LYPLA1: variants seen among roughly 807,000 people sequenced by gnomAD.
LYPLA1 encodes the protein acyl-protein thioesterase 1.
In LYPLA1, 17 loss-of-function variants were observed where a neutral mutation model predicts 34.0. That is an observed-to-expected ratio of 0.50 (90% CI 0.34 to 0.75). The LOEUF (loss-of-function observed/expected upper bound fraction) is 0.75. Among genes scored for constraint, LYPLA1 ranks in the 30% least tolerant of loss-of-function variants. The probability of loss-of-function intolerance (pLI) is 0.01; values close to 1 mark genes in which losing one functional copy is unlikely to be tolerated. For synonymous variants in LYPLA1, 98 were observed against 100.8 expected, an observed-to-expected ratio of 0.97 and a Z score of 0.17; for missense variants, 203 against 288.8, an observed-to-expected ratio of 0.70 and a Z score of 2.15.
chr8:54,071,496 G>A (rs1309558066), intron 2 of LYPLA1, among the ~76,000 whole-genome samples: 3 of 152,118 alleles, frequency 2.0e-5, no homozygotes, highest in East Asian at 3.9e-4. Context: ...GGGTGGGGGC[G>A]TGGACAAGCA....
chr8:54,083,476 A>C (rs557509622), intron 2 of LYPLA1, among the ~76,000 whole-genome samples: 1 of 152,310 alleles, frequency 6.6e-6, no homozygotes, highest in South Asian at 2.1e-4. Context: ...TCATGATGTA[A>C]AACATCTGTA....
chr8:54,066,431 T>C (rs1807074386), intron 2 of LYPLA1, among the ~76,000 whole-genome samples: 2 of 152,214 alleles, frequency 1.3e-5, no homozygotes, highest in African/African-American at 4.8e-5. Context: ...TTAAAATGTC[T>C]TTATACAATG....
Position 54,047,728 on chromosome 8 carries a change from T to A in LYPLA1, c.*337A>T. On this transcript the variant is annotated 3_prime_UTR_variant, in exon 9 of 9. Transcript: ENST00000316963. ...TGCTCATTTATACCTGAACAAATTT[T>A]CATTAAGCATACTGCTAATTTTCAA... 4.9e-6 allele frequency: 1 copy of A among 205,410 alleles called. No homozygotes were observed. The allele number at this position is 205,410 out of a possible 1,614,324, so 12.7% of individuals were successfully genotyped here.
At chr8:54,076,116 G>A (rs755653013) in intron 2 of LYPLA1, among the ~76,000 whole-genome samples, 14 of 152,154 alleles carry the variant, frequency 9.2e-5, no homozygotes, top group Non-Finnish European at 1.3e-4. Flanking sequence ...GCCTGCTCTA[G>A]GAGCTTAACA....
At position 54,051,064 on chromosome 8, in the gene LYPLA1, G is replaced by C; in HGVS notation, c.587C>G (p.Ala196Gly). Residue 196 changes from alanine to glycine, a missense_variant, in exon 8 of 9, where the codon GCC becomes GGC. Physicochemically the swap from Ala to Gly is moderately conservative, Grantham distance 60. This residue lies in a region of LYPLA1 where 123 missense variants were observed against 199.2 expected (regional missense o/e 0.62). Transcript: ENST00000316963. ...VEKLKTLVNP[A>G]NVTFKTYEGM... ...TTCATAGGTTTTAAAGGTCACATTG[G>C]CTGGATTCACCAATGTTTTTAGTTT... 1.2e-6 allele frequency: 2 copies of C among 1,613,726 alleles called. No individual in the cohort carries two copies. The highest frequency in any genetic ancestry group is 1.7e-6 in the Non-Finnish European group (2 of 1,179,782).
chr8:54,076,245 C>T (rs1425774528), intron 2 of LYPLA1, among the ~76,000 whole-genome samples: 1 of 151,912 alleles, frequency 6.6e-6, no homozygotes, highest in East Asian at 1.9e-4. Context: ...ATTAAAAGAA[C>T]AAATATTTAA....
chr8:54,064,371 T>C (rs1806889590), intron 3 of LYPLA1, among the ~76,000 whole-genome samples: 1 of 151,800 alleles, frequency 6.6e-6, no homozygotes, highest in South Asian at 2.1e-4. Context: ...AAACCAGGAT[T>C]ATGCCACTGC....
rs186096435 is a variant in LYPLA1 at position 54,048,757 on chromosome 8, G to A, written c.640-639C>T. Among the ~76,000 whole-genome samples the A allele has an allele frequency of 2.6e-5, 4 of 152,254 alleles. No individual in the cohort carries two copies. The East Asian group carries it at 7.7e-4, about 29-fold the overall frequency. On this transcript the variant is annotated intron_variant, in intron 8 of 8. Coordinates refer to ENST00000316963, the MANE Select transcript of LYPLA1 (RefSeq NM_006330.4). ...CTTAGCCTCACAGTGCCAAATAGTA[G>A]CAATGCAGCTAACCTTCAGCCTTGT...
intron 2 of LYPLA1, among the ~76,000 whole-genome samples, chr8:54,097,253 AT>A (rs1423207037): frequency 3.4e-4 from 52 of 152,336 alleles, no homozygotes; most frequent in Admixed American, 1.0e-3. Flanking sequence ...TAGTCTACTG[AT>A]GCGCGCAATG....
chr8:54,095,797 C>A (rs995605370), intron 2 of LYPLA1, among the ~76,000 whole-genome samples: 2 of 150,544 alleles, frequency 1.3e-5, no homozygotes, highest in African/African-American at 4.9e-5. Flanking sequence ...GTTGCCCAGG[C>A]TGGTCTCAAA....
chr8:54,091,249 A>G (rs1321602889), intron 2 of LYPLA1, among the ~76,000 whole-genome samples: 1 of 152,078 alleles, frequency 6.6e-6, no homozygotes, highest in Non-Finnish European at 1.5e-5. Context: ...GCACTTTGGG[A>G]GGCCGAGGTG....
At chr8:54,051,274 C>CAT (rs1344012743) in intron 7 of LYPLA1, 86 bp from the exon 8 acceptor site, 3 of 1,121,420 alleles carry the variant, frequency 2.7e-6, no homozygotes, top group Non-Finnish European at 3.7e-6. Context: ...CATAAATATG[C>CAT]ATATATATAA....
chr8:54,083,858 C>T (rs1031979095), intron 2 of LYPLA1, among the ~76,000 whole-genome samples: 35 of 152,070 alleles, frequency 2.3e-4, no homozygotes, highest in African/African-American at 8.2e-4. Context: ...AGATCTCAGG[C>T]CGGGCACGGT....
chr8:54,076,924 C>T (rs1807949875), intron 2 of LYPLA1, among the ~76,000 whole-genome samples: 1 of 152,076 alleles, frequency 6.6e-6, no homozygotes, highest in African/African-American at 2.4e-5. Context: ...CCCTGATTTC[C>T]CACTTCACAC....
intron 1 of LYPLA1, chr8:54,101,211 AAC>A (rs772774508): frequency 7.9e-5 from 49 of 620,384 alleles, no homozygotes; most frequent in Non-Finnish European, 1.1e-4. Flanking sequence ...TTCTAAGAAA[AAC>A]AGTTTATCTC....
At chr8:54,092,320 AAGG>A (rs1187078509) in intron 2 of LYPLA1, among the ~76,000 whole-genome samples, 1 of 150,398 alleles carries the variant, frequency 6.6e-6, no homozygotes, top group African/African-American at 2.5e-5. Context: ...GGAGGAGGAG[AAGG>A]AGGAGACAGA....
chr8:54,046,247 A>G (rs1201380709), downstream of LYPLA1: 2 of 152,136 alleles, frequency 1.3e-5, no homozygotes. Flanking sequence ...AGTCAACCAC[A>G]CCATCATCAA....
Position 54,096,665 on chromosome 8 carries a change from C to T in LYPLA1, c.101+4243G>A, listed in dbSNP as rs555379157. The stretch of plus-strand genomic sequence containing the variant: ...GGCTGAGGCAGGAGACTCACTTGAA[C>T]TCAGGAGGCAGAGGTTGCAGTGAGC... On this transcript the variant is annotated intron_variant, in intron 2 of 8. Coordinates refer to ENST00000316963, the MANE Select transcript of LYPLA1 (RefSeq NM_006330.4). Among the ~76,000 whole-genome samples the T allele has an allele frequency of 1.3e-3, 204 of 151,974 alleles. 2 individuals carry two copies. Among genetic ancestry groups the T allele is most frequent in the African/African-American group, 4.8e-3 (197 of 41,408 alleles).
At chr8:54,065,843 T>C (rs749351762) in intron 2 of LYPLA1, 30 bp from the exon 3 acceptor site, 10 of 1,492,848 alleles carry the variant, frequency 6.7e-6, no homozygotes, top group Middle Eastern at 1.7e-4. Context: ...ATAATGCTAT[T>C]AGACACTGTT....
Sources: gnomAD v4.1 joint callset for allele counts (sites outside exome capture counted in the v4.1 genomes callset) on GRCh38, gnomAD v4.1.1 for gene constraint, gnomAD v4.1.1 regional missense constraint, MANE v1.5 for transcripts, NCBI Gene and HGNC (gene_info 2026-07-23, HGNC 2026-07-21) for gene names.